Variants in RALY observed in about 807,000 individuals in gnomAD.
RALY encodes RALY heterogeneous nuclear ribonucleoprotein, also known as RNA-binding protein Raly.
In RALY, 15 loss-of-function variants were observed where a neutral mutation model predicts 30.7. The observed-to-expected ratio is 0.49, with a 90% CI of 0.33 to 0.75. The LOEUF is 0.75. RALY is among the 30% of genes least tolerant of loss of function. The pLI, the probability that RALY is intolerant of heterozygous loss-of-function variation, is 0.02. For synonymous variants in RALY, 177 were observed against 170.8 expected, an observed-to-expected ratio of 1.04 and a Z score of -0.28; for missense variants, 339 against 414.3, an observed-to-expected ratio of 0.82 and a Z score of 1.58.
rs555188694 is a variant in RALY, at chr20:34,058,840, C to T, written c.-9-13226C>T. On this transcript the variant is annotated intron_variant, in intron 2 of 9. Coordinates refer to ENST00000246194, the MANE Select transcript of RALY (RefSeq NM_016732.3). Reference sequence around the variant, plus strand: ...TTGGTAGCCTTAACTCATGAAGAGTCTTGTAAGCCACATTAAAGGATTTGA... The same window carrying T: ...TTGGTAGCCTTAACTCATGAAGAGTTTTGTAAGCCACATTAAAGGATTTGA... 2.6e-5 allele frequency among the ~76,000 whole-genome samples: 4 copies of T among 152,270 alleles called. No homozygotes were observed. In the East Asian group the frequency reaches 5.8e-4, roughly 22 times the overall value.
intron 2 of RALY, among the ~76,000 whole-genome samples, chr20:34,066,756 C>A (rs4911401): frequency 0.74 from 112,171 of 151,312 alleles, 42,039 homozygotes; most frequent in South Asian, 0.85. Flanking sequence ...TTTGGGACCT[C>A]ATCACTCCCA....
chr20:34,048,657 C>A (rs1419444814), intron 2 of RALY, among the ~76,000 whole-genome samples: 1 of 151,398 alleles, frequency 6.6e-6, no homozygotes, highest in Non-Finnish European at 1.5e-5. Flanking sequence ...GAGATCAAGA[C>A]CATCCTGGCT....
Position 34,072,195 on chromosome 20 carries a change from A to G in RALY, c.121A>G (p.Ile41Val), listed in dbSNP as rs1415864300. Residue 41 changes from isoleucine (I) to valine (V), a missense_variant, in exon 3 of 10, where the codon ATC (isoleucine) becomes GTC (valine). By Grantham distance (29) the Ile-to-Val change is conservative. Coordinates refer to ENST00000246194, the MANE Select transcript of RALY (RefSeq NM_016732.3). Reference sequence around the variant, plus strand: ...GGTGAAGAAATCAGATGTGGAGACCATCTTCTCTAAGTATGGCCGTGTGGC... The same window carrying G: ...GGTGAAGAAATCAGATGTGGAGACCGTCTTCTCTAAGTATGGCCGTGTGGC... The part of the protein sequence containing the change: ...ALVKKSDVET[I>V]FSKYGRVAGC... 15 of 1,614,108 alleles carry G rather than the reference A, an allele frequency of 9.3e-6. No individual in the cohort carries two copies. Among genetic ancestry groups the G allele is most frequent in the African/African-American group, 1.3e-5 (1 of 74,928 alleles).
chr20:34,054,171 T>C (rs188407552), intron 2 of RALY, among the ~76,000 whole-genome samples: 1 of 152,376 alleles, frequency 6.6e-6, no homozygotes, highest in Non-Finnish European at 1.5e-5. Context: ...TGTTGTATCA[T>C]GTACCTTGGG....
intron 2 of RALY, among the ~76,000 whole-genome samples, chr20:34,052,170 T>G (rs1404230847): frequency 2.0e-5 from 3 of 152,240 alleles, no homozygotes; most frequent in Non-Finnish European, 4.4e-5. Context: ...ATAATGCTAA[T>G]AAGTAAATTT....
intron 1 of RALY, among the ~76,000 whole-genome samples, chr20:34,030,877 T>C (rs996517163): frequency 6.6e-6 from 1 of 152,188 alleles, no homozygotes; most frequent in Non-Finnish European, 1.5e-5. Context: ...TTTTCATGTC[T>C]TACCCCAGAC....
At chr20:34,014,091 T>C (rs1315388006) in intron 1 of RALY, among the ~76,000 whole-genome samples, 1 of 152,196 alleles carries the variant, frequency 6.6e-6, no homozygotes, top group East Asian at 1.9e-4. Flanking sequence ...TTTACCTCAA[T>C]TTGAACAGAT....
At chr20:34,037,432 C>T (rs1333678753) in intron 2 of RALY, among the ~76,000 whole-genome samples, 1 of 152,188 alleles carries the variant, frequency 6.6e-6, no homozygotes, top group Non-Finnish European at 1.5e-5. Flanking sequence ...TCAGAGGCTT[C>T]ACAGTGGCTT....
intron 1 of RALY, among the ~76,000 whole-genome samples, chr20:34,004,843 C>T (rs918104371): frequency 1.3e-5 from 2 of 152,156 alleles, no homozygotes; most frequent in Non-Finnish European, 2.9e-5. Context: ...TGTATATTTG[C>T]TCAGGGAAAA....
intron 2 of RALY, among the ~76,000 whole-genome samples, chr20:34,052,083 G>A (rs1290684426): frequency 1.3e-5 from 2 of 152,182 alleles, no homozygotes; most frequent in Non-Finnish European, 2.9e-5. Flanking sequence ...GGACCCTAGA[G>A]ATCTGTCCCA....
chr20:34,046,580 A>T (rs188933772), intron 2 of RALY, among the ~76,000 whole-genome samples: 17 of 152,304 alleles, frequency 1.1e-4, no homozygotes, highest in Admixed American at 2.0e-4. Flanking sequence ...TGTGACCGGC[A>T]CTTTGCTAAG....
intron 1 of RALY, among the ~76,000 whole-genome samples, chr20:34,026,766 A>G (rs2032058441): frequency 6.6e-6 from 1 of 151,412 alleles, no homozygotes; most frequent in Non-Finnish European, 1.5e-5. Flanking sequence ...CTGCCTTTGC[A>G]CTCCTTACAT....
intron 5 of RALY, among the ~76,000 whole-genome samples, chr20:34,074,270 G>A (rs993209407): frequency 6.6e-6 from 1 of 152,110 alleles, no homozygotes; most frequent in Admixed American, 6.5e-5. Context: ...TAAGCTTCTT[G>A]GGTTTATATT....
At chr20:34,076,582 A>AAAAAC (rs528575644) in intron 6 of RALY, 120 bp from the exon 7 acceptor site, 2 of 885,276 alleles carry the variant, frequency 2.3e-6, no homozygotes, top group East Asian at 2.7e-5. Context: ...TAAGCAGGGA[A>AAAAAC]AAAACAAAAC....
At position 34,077,198 on chromosome 20, in the gene RALY, G is replaced by A; in HGVS notation, c.829G>A (p.Asp277Asn). Residue 277 changes from aspartate (D) to asparagine (N), a missense_variant, in exon 8 of 10, where the codon GAC becomes AAC. By Grantham distance (23) the Asp-to-Asn change is conservative (BLOSUM62 1). Transcript: ENST00000246194. The stretch of plus-strand genomic sequence containing the variant: ...GCCCCAGGGGGAAGCACGGACCCGA[G>A]ACGACGGCGATGAGGAAGGGCTCCT... ...GLPQGEARTR[D>N]DGDEEGLLTH... 6.2e-7 allele frequency: 1 copy of A among 1,613,882 alleles called. No individual in the cohort carries two copies.
chr20:33,999,674 T>C (rs533168763), intron 1 of RALY, among the ~76,000 whole-genome samples: 2 of 152,304 alleles, frequency 1.3e-5, no homozygotes, highest in African/African-American at 4.8e-5. Flanking sequence ...AAGTAAAACG[T>C]ATCCTAAGGA....
intron 2 of RALY, among the ~76,000 whole-genome samples, chr20:34,043,623 C>CT (rs1396177646): frequency 6.6e-6 from 1 of 152,156 alleles, no homozygotes; most frequent in Non-Finnish European, 1.5e-5. Context: ...CTTTCCAGTC[C>CT]TTTCTCCAAT....
chr20:34,044,565 C>T (rs1208479695), intron 2 of RALY, among the ~76,000 whole-genome samples: 3 of 152,018 alleles, frequency 2.0e-5, no homozygotes, highest in African/African-American at 4.8e-5. Flanking sequence ...GGTGATCGGC[C>T]GACCTCAGGT....
At position 34,077,211 on chromosome 20, in the gene RALY, A is replaced by AGGAAG. The variant is rs2033916969; in HGVS notation, c.845_849dup (p.Leu284LysfsTer4). ...GCACGGACCCGAGACGACGGCGATG[A>AGGAAG]GGAAGGGCTCCTGACACACAGCGAG... On this transcript the variant is annotated frameshift_variant, in exon 8 of 10. Transcript: ENST00000246194. LOFTEE classifies it high-confidence loss of function. The AGGAAG allele has an allele frequency of 6.2e-7, 1 of 1,613,700 alleles. No homozygotes were observed. Among genetic ancestry groups the AGGAAG allele is most frequent in the Non-Finnish European group, 8.5e-7 (1 of 1,179,918 alleles).
Sources: gnomAD v4.1 joint callset for allele counts (sites outside exome capture counted in the v4.1 genomes callset) on GRCh38, gnomAD v4.1.1 for gene constraint, MANE v1.5 for transcripts, NCBI Gene and HGNC (gene_info 2026-07-23, HGNC 2026-07-21) for gene names.